The following TMEM108 variants were observed in gnomAD, a reference collection of about 807,000 sequenced individuals.
The protein encoded by TMEM108 is cancer/testis antigen 124.
In TMEM108, 12 loss-of-function variants were observed where a neutral mutation model predicts 35.1. That is an observed-to-expected ratio of 0.34 (90% CI 0.22 to 0.55). The LOEUF (loss-of-function observed/expected upper bound fraction) is 0.55. TMEM108 is among the 20% of genes least tolerant of loss of function. The probability of loss-of-function intolerance (pLI) is 0.89; values close to 1 mark genes in which losing one functional copy is unlikely to be tolerated. For missense variants in TMEM108, 680 were observed against 753.3 expected (o/e 0.90, Z 1.14); for synonymous variants, 287 against 308.6 (o/e 0.93, Z 0.73).
intron 2 of TMEM108, among the ~76,000 whole-genome samples, chr3:133,205,618 A>C (rs759218615): frequency 6.6e-6 from 1 of 152,214 alleles, no homozygotes; most frequent in Non-Finnish European, 1.5e-5. Flanking sequence ...AGAATGTTGA[A>C]TATTGATCCC....
rs546556806 is a variant in TMEM108 at position 133,393,188 on chromosome 3, C to T, written c.1606-2676C>T. On this transcript the variant is annotated intron_variant, in intron 5 of 5. Transcript: ENST00000321871. ...GCTTTTCTCCTGGATACCTTGAACC[C>T]TCAATTCCTTCAGGTCTCTGTTCAA... 2.6e-5 allele frequency among the ~76,000 whole-genome samples: 4 copies of T among 152,332 alleles called. No homozygotes were observed. In the South Asian group the frequency reaches 8.3e-4, roughly 32 times the overall value.
At chr3:133,289,456 C>T (rs575049364) in intron 3 of TMEM108, among the ~76,000 whole-genome samples, 1 of 152,264 alleles carries the variant, frequency 6.6e-6, no homozygotes, top group African/African-American at 2.4e-5. Flanking sequence ...AGTCAGACAC[C>T]ACGTGAACTA....
At chr3:133,095,875 G>A (rs554484903) in intron 2 of TMEM108, among the ~76,000 whole-genome samples, 1 of 152,284 alleles carries the variant, frequency 6.6e-6, no homozygotes, top group South Asian at 2.1e-4. Context: ...TCAGTCCATG[G>A]CCTAGGGGTT....
intron 3 of TMEM108, among the ~76,000 whole-genome samples, chr3:133,229,839 T>C (rs1164450167): frequency 6.6e-6 from 1 of 152,234 alleles, no homozygotes; most frequent in Non-Finnish European, 1.5e-5. Context: ...CTATACATGG[T>C]TCTCAAATAA....
intron 3 of TMEM108, among the ~76,000 whole-genome samples, chr3:133,317,809 G>A (rs1045738804): frequency 3.9e-5 from 6 of 152,166 alleles, no homozygotes; most frequent in Admixed American, 3.9e-4. Context: ...TCCCCTCGTG[G>A]TACTGATATT....
At chr3:133,304,400 A>G (rs1410856094) in intron 3 of TMEM108, among the ~76,000 whole-genome samples, 1 of 152,074 alleles carries the variant, frequency 6.6e-6, no homozygotes, top group Non-Finnish European at 1.5e-5. Context: ...TATACAGTTA[A>G]ATTATTTTCA....
intron 3 of TMEM108, among the ~76,000 whole-genome samples, chr3:133,278,627 A>G (rs577437784): frequency 2.0e-4 from 31 of 152,374 alleles, no homozygotes; most frequent in Non-Finnish European, 2.8e-4. Context: ...ACAATGGTAA[A>G]TATTTGTATG....
At chr3:133,184,751 C>T (rs1185907878) in intron 2 of TMEM108, among the ~76,000 whole-genome samples, 1 of 152,110 alleles carries the variant, frequency 6.6e-6, no homozygotes, top group African/African-American at 2.4e-5. Flanking sequence ...GTGGAGGCAT[C>T]CCAGAGAGAA....
intron 3 of TMEM108, among the ~76,000 whole-genome samples, chr3:133,297,040 C>G (rs1483133089): frequency 1.3e-5 from 2 of 152,188 alleles, no homozygotes; most frequent in African/African-American, 4.8e-5. Context: ...CTCAGATCCT[C>G]TTGGTCTCTG....
chr3:133,296,701 A>AG (rs1559895760), intron 3 of TMEM108, among the ~76,000 whole-genome samples: 1 of 152,106 alleles, frequency 6.6e-6, no homozygotes. Flanking sequence ...AGAGTAGGAC[A>AG]GGGGGGACTT....
chr3:133,166,375 T>C (rs890097460), intron 2 of TMEM108, among the ~76,000 whole-genome samples: 2 of 152,248 alleles, frequency 1.3e-5, no homozygotes, highest in Non-Finnish European at 2.9e-5. Flanking sequence ...TTTATTTTAC[T>C]CATAAATAAA....
chr3:133,318,963 C>CTG (rs1472058800), intron 3 of TMEM108, among the ~76,000 whole-genome samples: 1 of 147,230 alleles, frequency 6.8e-6, no homozygotes, highest in Non-Finnish European at 1.5e-5. Context: ...GGGGCTAGGT[C>CTG]TGAGTCCTGT....
chr3:133,342,184 G>T (rs1920022), intron 3 of TMEM108, among the ~76,000 whole-genome samples: 2,607 of 151,304 alleles, frequency 0.017, 65 homozygotes, highest in African/African-American at 0.058. Flanking sequence ...AACTCCATAG[G>T]AAAAAAATCT....
intron 2 of TMEM108, among the ~76,000 whole-genome samples, chr3:133,166,693 G>A (rs1945043472): frequency 6.6e-6 from 1 of 152,224 alleles, no homozygotes; most frequent in South Asian, 2.1e-4. Flanking sequence ...GGCCTCAGGA[G>A]TGAAGCTGCA....
intron 3 of TMEM108, among the ~76,000 whole-genome samples, chr3:133,304,913 C>G (rs1348835474): frequency 6.6e-6 from 1 of 151,980 alleles, no homozygotes; most frequent in Non-Finnish European, 1.5e-5. Flanking sequence ...GAAACCTTCT[C>G]TCTACTAAAA....
At chr3:133,106,835 A>C (rs1311585837) in intron 2 of TMEM108, among the ~76,000 whole-genome samples, 1 of 152,198 alleles carries the variant, frequency 6.6e-6, no homozygotes, top group Non-Finnish European at 1.5e-5. Context: ...CTATACCTTC[A>C]TGGGAGCCTC....
At chr3:133,203,894 G>A (rs1050873452) in intron 2 of TMEM108, among the ~76,000 whole-genome samples, 5 of 152,146 alleles carry the variant, frequency 3.3e-5, no homozygotes, top group African/African-American at 1.2e-4. Flanking sequence ...TTATACCTCT[G>A]GTAAAATTCA....
intron 2 of TMEM108, among the ~76,000 whole-genome samples, chr3:133,073,484 TTCTCTCTC>T (rs371623398): frequency 3.6e-5 from 2 of 55,650 alleles, no homozygotes; most frequent in Admixed American, 2.4e-4. Context: ...TAGTATTCTA[TTCTCTCTC>T]TCTCTCTCTC....
intron 3 of TMEM108, among the ~76,000 whole-genome samples, chr3:133,234,946 T>G (rs1576401094): frequency 6.6e-6 from 1 of 152,224 alleles, no homozygotes; most frequent in East Asian, 1.9e-4. Context: ...CAAGCATTCC[T>G]ATACGTCAAT....
Sources: gnomAD v4.1 joint callset for allele counts (sites outside exome capture counted in the v4.1 genomes callset) on GRCh38, gnomAD v4.1.1 for gene constraint, MANE v1.5 for transcripts, NCBI Gene and HGNC (gene_info 2026-07-23, HGNC 2026-07-21) for gene names.